TMEM232: variants seen among roughly 807,000 people sequenced by gnomAD.
TMEM232 encodes transmembrane protein 232.
In TMEM232, 80 loss-of-function variants were observed where a neutral mutation model predicts 78.8. The observed-to-expected ratio is 1.01, with a 90% confidence interval of 0.85 to 1.22. The LOEUF is 1.22. Ranked by LOEUF, TMEM232 falls within the 50% of genes most tolerant of loss-of-function variation. The pLI is 0.00. For missense variants in TMEM232, 881 were observed against 742.2 expected (o/e 1.19, Z -2.17); for synonymous variants, 297 against 254.3 (o/e 1.17, Z -1.60).
chr5:110,599,059 G>A (rs1780551189), intron 10 of TMEM232, among the ~76,000 whole-genome samples: 1 of 151,742 alleles, frequency 6.6e-6, no homozygotes, highest in Non-Finnish European at 1.5e-5. Context: ...TTCATATCAA[G>A]CCAAACTAAT....
chr5:110,537,563 C>T (rs1772550721), intron 11 of TMEM232, among the ~76,000 whole-genome samples: 1 of 152,156 alleles, frequency 6.6e-6, no homozygotes, highest in Non-Finnish European at 1.5e-5. Flanking sequence ...CAAGGGCTAC[C>T]TGTCTCTCAG....
At chr5:110,637,575 GTA>G (rs146107045) in intron 5 of TMEM232, among the ~76,000 whole-genome samples, 5,557 of 147,902 alleles carry the variant, frequency 0.038, 328 homozygotes, top group African/African-American at 0.13. Flanking sequence ...ACATATATGT[GTA>G]TATATATATA....
chr5:110,513,664 T>A (rs1007670850), intron 12 of TMEM232, among the ~76,000 whole-genome samples: 1 of 152,008 alleles, frequency 6.6e-6, no homozygotes, highest in Non-Finnish European at 1.5e-5. Flanking sequence ...TCAAGATGCA[T>A]ATTAAAAAAG....
At chr5:110,589,646 G>A (rs375652596) in intron 10 of TMEM232, among the ~76,000 whole-genome samples, 5 of 152,000 alleles carry the variant, frequency 3.3e-5, no homozygotes, top group Middle Eastern at 3.4e-3. Flanking sequence ...CAGTTTTCTC[G>A]CTCGAAAATG....
downstream of TMEM232, among the ~76,000 whole-genome samples, chr5:110,415,091 T>C (rs1235461017): frequency 2.0e-5 from 3 of 152,114 alleles, no homozygotes; most frequent in Non-Finnish European, 4.4e-5. Context: ...CCTGTCAGAC[T>C]CAGGCTCCTT....
At chr5:110,608,396 C>T (rs1781766768) in intron 8 of TMEM232, among the ~76,000 whole-genome samples, 1 of 151,830 alleles carries the variant, frequency 6.6e-6, no homozygotes, top group Admixed American at 6.6e-5. Context: ...CAGATGACCA[C>T]CAAGATGGAG....
intron 12 of TMEM232, among the ~76,000 whole-genome samples, chr5:110,464,554 A>G (rs1761874098): frequency 6.6e-6 from 1 of 152,194 alleles, no homozygotes. Context: ...CCCTGCTAGC[A>G]TATGGTGTGA....
intron 12 of TMEM232, among the ~76,000 whole-genome samples, chr5:110,467,327 G>A (rs1762190909): frequency 6.6e-6 from 1 of 152,144 alleles, no homozygotes; most frequent in Non-Finnish European, 1.5e-5. Flanking sequence ...GCTTTTCCCA[G>A]GTAGGAGCCT....
intron 11 of TMEM232, among the ~76,000 whole-genome samples, chr5:110,563,179 A>C (rs888184387): frequency 3.9e-5 from 6 of 151,992 alleles, no homozygotes; most frequent in African/African-American, 1.4e-4. Flanking sequence ...TAGCACTGGT[A>C]GTGGTTATGT....
intron 12 of TMEM232, among the ~76,000 whole-genome samples, chr5:110,454,897 G>A (rs2149343004): frequency 7.6e-6 from 1 of 131,920 alleles, no homozygotes; most frequent in Middle Eastern, 3.9e-3. Flanking sequence ...CCAAATCCTT[G>A]TTCTTCGTAA....
downstream of TMEM232, among the ~76,000 whole-genome samples, chr5:110,417,518 G>T (rs1756268332): frequency 6.6e-6 from 1 of 151,914 alleles, no homozygotes; most frequent in South Asian, 2.1e-4. Context: ...GAACTTTTTG[G>T]AAGAATTAAG....
chr5:110,653,780 T>C (rs1315986973), intron 2 of TMEM232, among the ~76,000 whole-genome samples: 2 of 152,142 alleles, frequency 1.3e-5, no homozygotes, highest in African/African-American at 4.8e-5. Context: ...TCTGTGCCAT[T>C]CTGGGCATAG....
intron 1 of TMEM232, among the ~76,000 whole-genome samples, chr5:110,694,312 C>G (rs534953078): frequency 6.6e-6 from 1 of 152,286 alleles, no homozygotes; most frequent in Admixed American, 6.5e-5. Context: ...AAGCACTCAA[C>G]ATGGAAAGGA....
intron 2 of TMEM232, among the ~76,000 whole-genome samples, chr5:110,407,115 G>T (rs866480323): frequency 6.6e-6 from 1 of 152,004 alleles, no homozygotes. Flanking sequence ...GCAATAAAAT[G>T]ATAGTAGTTA....
At chr5:110,462,289 T>C (rs994927268) in intron 12 of TMEM232, among the ~76,000 whole-genome samples, 3 of 152,194 alleles carry the variant, frequency 2.0e-5, no homozygotes, top group Admixed American at 6.5e-5. Context: ...ATGGTTAATA[T>C]TGAGTGTCAA....
At chr5:110,401,376 T>C (rs541659217) in intron 2 of TMEM232, among the ~76,000 whole-genome samples, 1 of 151,824 alleles carries the variant, frequency 6.6e-6, no homozygotes, top group African/African-American at 2.4e-5. Context: ...TTTCTACATA[T>C]AAGAGGTGAC....
At chr5:110,638,454 C>G in intron 4 of TMEM232, 99 bp from the exon 5 acceptor site, 1 of 1,162,220 alleles carries the variant, frequency 8.6e-7, no homozygotes, top group Non-Finnish European at 1.2e-6. Context: ...TCATTAAGAC[C>G]AAATTGCAGT....
chr5:110,628,026 C>A, intron 5 of TMEM232, 146 bp from the exon 6 acceptor site: 1 of 657,644 alleles, frequency 1.5e-6, no homozygotes, highest in Non-Finnish European at 2.6e-6. Context: ...TTTTAAATAA[C>A]ATTAAAACAT....
At chr5:110,592,585 A>G (rs116309234) in intron 10 of TMEM232, among the ~76,000 whole-genome samples, 3,308 of 152,300 alleles carry the variant, frequency 0.022, 38 homozygotes, top group Admixed American at 0.025. Flanking sequence ...AACATTGATA[A>G]AATATGGGTT....
Sources: allele counts gnomAD v4.1 joint callset (sites outside exome capture counted in the v4.1 genomes callset), GRCh38; gene constraint gnomAD v4.1.1; transcripts MANE v1.5; gene names NCBI Gene and HGNC (gene_info 2026-07-23, HGNC 2026-07-21).